The following CTNNA2 variants were observed in gnomAD, a reference collection of about 807,000 sequenced individuals.
CTNNA2 encodes catenin alpha-2.
Under a neutral mutation model 101.0 loss-of-function variants are expected in CTNNA2, and 42 were observed. That is an observed-to-expected ratio of 0.42 (90% CI 0.32 to 0.54). CTNNA2 has a LOEUF of 0.54. CTNNA2 is among the 20% of genes least tolerant of loss of function. The pLI, the probability that CTNNA2 is intolerant of heterozygous loss-of-function variation, is 0.14. For missense variants in CTNNA2, 871 were observed against 1,223.1 expected, an observed-to-expected ratio of 0.71 and a Z score of 4.29; for synonymous variants, 450 against 456.4, an observed-to-expected ratio of 0.99 and a Z score of 0.18.
intron 8 of CTNNA2, among the ~76,000 whole-genome samples, chr2:80,403,848 C>T (rs907775706): frequency 2.6e-5 from 4 of 152,176 alleles, no homozygotes; most frequent in African/African-American, 9.6e-5. Context: ...AAGATATTTT[C>T]TGCATCTATT....
intron 8 of CTNNA2, among the ~76,000 whole-genome samples, chr2:80,415,171 A>C (rs1679932952): frequency 6.6e-6 from 1 of 152,210 alleles, no homozygotes; most frequent in South Asian, 2.1e-4. Flanking sequence ...ACAGAACACT[A>C]GGCAGTTTTC....
At chr2:80,561,012 G>T (rs1312682460) in intron 12 of CTNNA2, among the ~76,000 whole-genome samples, 1 of 150,990 alleles carries the variant, frequency 6.6e-6, no homozygotes, top group Non-Finnish European at 1.5e-5. Flanking sequence ...CAATTTCTGT[G>T]TATCAATGGG....
At chr2:80,109,731 T>C (rs1701099197) in intron 7 of CTNNA2, among the ~76,000 whole-genome samples, 1 of 152,118 alleles carries the variant, frequency 6.6e-6, no homozygotes, top group South Asian at 2.1e-4. Flanking sequence ...AATTACCCAA[T>C]ATGGGACTAT....
chr2:79,741,560 C>G (rs966003546), intron 2 of CTNNA2, among the ~76,000 whole-genome samples: 2 of 151,988 alleles, frequency 1.3e-5, no homozygotes, highest in African/African-American at 4.8e-5. Flanking sequence ...TATCATTTTC[C>G]CCCATGAAAC....
intron 2 of CTNNA2, among the ~76,000 whole-genome samples, chr2:79,242,768 G>A (rs1674643234): frequency 6.6e-6 from 1 of 151,914 alleles, no homozygotes; most frequent in African/African-American, 2.4e-5. Context: ...AGAAGTTTGA[G>A]ACAATCCTAG....
chr2:79,233,355 G>A (rs542442190), intron 2 of CTNNA2, among the ~76,000 whole-genome samples: 1 of 152,240 alleles, frequency 6.6e-6, no homozygotes, highest in African/African-American at 2.4e-5. Flanking sequence ...CATGTTTTGT[G>A]TAGTTTTGAG....
intron 7 of CTNNA2, among the ~76,000 whole-genome samples, chr2:79,968,946 C>T (rs1034999354): frequency 1.3e-5 from 2 of 151,930 alleles, no homozygotes; most frequent in South Asian, 4.2e-4. Context: ...AACTGTTGAA[C>T]ATAATCACAT....
At chr2:80,148,241 A>G (rs1333547018) in intron 7 of CTNNA2, among the ~76,000 whole-genome samples, 1 of 152,202 alleles carries the variant, frequency 6.6e-6, no homozygotes, top group Non-Finnish European at 1.5e-5. Context: ...TACAGGCTTA[A>G]AGTTAGCCAG....
chr2:80,483,586 A>G (rs1487032124), intron 9 of CTNNA2, among the ~76,000 whole-genome samples: 1 of 152,090 alleles, frequency 6.6e-6, no homozygotes, highest in East Asian at 1.9e-4. Flanking sequence ...GTGCAAGTAA[A>G]CAGAGACTTT....
intron 2 of CTNNA2, among the ~76,000 whole-genome samples, chr2:79,238,584 G>T (rs1242122289): frequency 6.6e-6 from 1 of 152,064 alleles, no homozygotes; most frequent in Non-Finnish European, 1.5e-5. Flanking sequence ...AGTAAATTAA[G>T]GTGCAATGAA....
At chr2:79,355,270 T>C (rs772304790) in intron 3 of CTNNA2, among the ~76,000 whole-genome samples, 1 of 152,148 alleles carries the variant, frequency 6.6e-6, no homozygotes, top group Non-Finnish European at 1.5e-5. Context: ...AAAAATGACG[T>C]TGGTGATTTG....
At position 80,302,927 on chromosome 2, in the gene CTNNA2, C is replaced by G. The variant is rs896430309; in HGVS notation, c.1057-90284C>G. 6.2e-7 allele frequency: 1 copy of G among 1,613,872 alleles called. No individual in the cohort carries two copies. ...CAGGGACTTCCAAGAGTTGAGGATC[C>G]GGGGCTCGATGTAGGTGAGGCGGTT... is the stretch of plus-strand genomic sequence containing the variant. On this transcript the variant is annotated intron_variant, in intron 7 of 18. Coordinates refer to ENST00000402739, the MANE Select transcript of CTNNA2 (RefSeq NM_001282597.3). The surrounding 1 kb of genome is among the most constrained non-coding windows in gnomAD (Gnocchi z 6.4).
intron 7 of CTNNA2, among the ~76,000 whole-genome samples, chr2:80,268,811 T>C (rs1673218912): frequency 6.6e-6 from 1 of 152,162 alleles, no homozygotes; most frequent in Admixed American, 6.5e-5. Context: ...CCAAGGTTTT[T>C]ATAGAAACAG....
chr2:80,139,459 C>T (rs1702877341), intron 7 of CTNNA2, among the ~76,000 whole-genome samples: 1 of 152,002 alleles, frequency 6.6e-6, no homozygotes, highest in Non-Finnish European at 1.5e-5. Flanking sequence ...TTCTGTACAT[C>T]ACAACACCAA....
intron 4 of CTNNA2, among the ~76,000 whole-genome samples, chr2:79,436,511 G>T (rs1297194035): frequency 6.6e-6 from 1 of 152,142 alleles, no homozygotes; most frequent in African/African-American, 2.4e-5. Context: ...CACACCTAGA[G>T]ATTCTGATTT....
At chr2:79,737,364 AG>A (rs1439054773) in intron 2 of CTNNA2, among the ~76,000 whole-genome samples, 2 of 150,530 alleles carry the variant, frequency 1.3e-5, no homozygotes, top group African/African-American at 2.4e-5. Flanking sequence ...AAAAAAAAAA[AG>A]GTCACTGCTT....
chr2:80,487,888 T>C (rs542385116), intron 9 of CTNNA2, among the ~76,000 whole-genome samples: 1 of 152,306 alleles, frequency 6.6e-6, no homozygotes, highest in Admixed American at 6.5e-5. Flanking sequence ...TGTGTTACTT[T>C]TGATATATTT....
chr2:79,987,229 A>G (rs1224255193), intron 7 of CTNNA2, among the ~76,000 whole-genome samples: 1 of 152,184 alleles, frequency 6.6e-6, no homozygotes, highest in Non-Finnish European at 1.5e-5. Context: ...AGCCTTTATC[A>G]TGGAGTAAAA....
In CTNNA2 at chr2:79,520,029, C is replaced by A. The variant is rs183250604; in HGVS notation, c.-6+6822C>A. On this transcript the variant is annotated intron_variant, in intron 1 of 18. Coordinates refer to ENST00000402739, the MANE Select transcript of CTNNA2 (RefSeq NM_001282597.3). Reference sequence around the variant, plus strand: ...CAGGCATAGCAAAGCCTTGCTTATCCCCCTAAATTCTATTTCAGAGGACCT... The same window carrying A: ...CAGGCATAGCAAAGCCTTGCTTATCACCCTAAATTCTATTTCAGAGGACCT... 5.3e-5 allele frequency among the ~76,000 whole-genome samples: 8 copies of A among 152,248 alleles called. No homozygotes were observed. In the East Asian group the frequency reaches 1.5e-3, roughly 29 times the overall value.
Sources: gnomAD v4.1 joint callset for allele counts (sites outside exome capture counted in the v4.1 genomes callset) on GRCh38, gnomAD v4.1.1 for gene constraint, Gnocchi (gnomAD v3.1) non-coding constraint, MANE v1.5 for transcripts, NCBI Gene and HGNC (gene_info 2026-07-23, HGNC 2026-07-21) for gene names.